Variants in GAB1 observed in about 807,000 individuals in gnomAD.
The protein encoded by GAB1 is GRB2 associated binding protein 1.
Under a neutral mutation model 66.5 loss-of-function variants are expected in GAB1, and 19 were observed. The ratio of observed to expected loss-of-function variants is 0.29; its 90% CI spans 0.20 to 0.42. The LOEUF (loss-of-function observed/expected upper bound fraction) is 0.42, where lower values mean the gene tolerates loss of function less well. Ranked by LOEUF, GAB1 falls within the 10% of genes least tolerant of loss-of-function variation. The pLI is 1.00. For missense variants in GAB1, 732 were observed against 858.5 expected (o/e 0.85, Z 1.84); for synonymous variants, 294 against 301.4 (o/e 0.98, Z 0.25).
chr4:143,378,612 A>G (rs1310980745), intron 1 of GAB1, among the ~76,000 whole-genome samples: 2 of 146,152 alleles, frequency 1.4e-5, no homozygotes, highest in African/African-American at 2.6e-5. Flanking sequence ...GTGACAGCCT[A>G]TTGGAACTTC....
chr4:143,435,468 C>T (rs1315332054), intron 3 of GAB1, among the ~76,000 whole-genome samples: 2 of 152,124 alleles, frequency 1.3e-5, no homozygotes, highest in African/African-American at 2.4e-5. Flanking sequence ...AACAGCCAAG[C>T]GACAGTTCTC....
intron 6 of GAB1, chr4:143,457,798 G>A: frequency 9.1e-7 from 1 of 1,102,976 alleles, no homozygotes; most frequent in Non-Finnish European, 1.3e-6. Context: ...CATGCTGTAT[G>A]GGGCATTGGG....
intron 8 of GAB1, among the ~76,000 whole-genome samples, chr4:143,462,871 A>C (rs1200166403): frequency 6.6e-6 from 1 of 152,168 alleles, no homozygotes; most frequent in African/African-American, 2.4e-5. Flanking sequence ...CATGTTGCGC[A>C]GGATGGTCTC....
chr4:143,430,700 A>C (rs1733608187), intron 2 of GAB1, among the ~76,000 whole-genome samples: 1 of 152,220 alleles, frequency 6.6e-6, no homozygotes, highest in Non-Finnish European at 1.5e-5. Context: ...TAACCCCTTA[A>C]AACTTTTGCC....
intron 1 of GAB1, among the ~76,000 whole-genome samples, chr4:143,343,203 G>A (rs548984126): frequency 7.6e-4 from 115 of 152,250 alleles, no homozygotes; most frequent in African/African-American, 2.7e-3. Context: ...GCAGTTTAGC[G>A]TTCCTCTTCT....
chr4:143,352,490 AGT>A (rs1729270025), intron 1 of GAB1, among the ~76,000 whole-genome samples: 4 of 152,224 alleles, frequency 2.6e-5, no homozygotes, highest in Non-Finnish European at 4.4e-5. Context: ...AGCTTGGCAG[AGT>A]CCTTGTGTCA....
chr4:143,337,314 C>T (rs1203621305), intron 1 of GAB1, 54 bp downstream of exon 1: 23 of 1,472,954 alleles, frequency 1.6e-5, no homozygotes, highest in Non-Finnish European at 2.0e-5. Flanking sequence ...CACCCCTCCC[C>T]AGTCGGCTCG....
At chr4:143,412,887 T>C (rs1331617755) in intron 1 of GAB1, among the ~76,000 whole-genome samples, 7 of 152,108 alleles carry the variant, frequency 4.6e-5, no homozygotes, top group Admixed American at 4.6e-4. Flanking sequence ...AAAGATGAAC[T>C]ATACAAGCAT....
Position 143,438,352 on chromosome 4 carries a change from C to T in GAB1, c.947C>T (p.Thr316Ile). ...SYDIPPTPGN[T>I]YQIPRTFPEG... ...GACATTCCTCCAACACCTGGTAATA[C>T]TTATCAGATTCCACGAACATTTCCA... is the stretch of plus-strand genomic sequence containing the variant. The change falls in exon 4 of 10, where the codon ACT (threonine) becomes ATT (isoleucine). Residue 316 changes from threonine (T) to isoleucine (I), a missense_variant. This residue lies in a region of GAB1 where 427 missense variants were observed against 420.6 expected (regional missense o/e 1.02). Transcript: ENST00000262994. 3 of 1,614,106 alleles carry T rather than the reference C, an allele frequency of 1.9e-6. No individual in the cohort carries two copies. The highest frequency in any genetic ancestry group is 2.5e-6 in the Non-Finnish European group (3 of 1,179,974).
At chr4:143,393,225 T>G (rs532373829) in intron 1 of GAB1, among the ~76,000 whole-genome samples, 16 of 150,690 alleles carry the variant, frequency 1.1e-4, no homozygotes, top group Non-Finnish European at 2.2e-4. Context: ...AAAGGTTTTT[T>G]TTTTTAAAAA....
rs763772139 is a variant in GAB1 at position 143,470,158 on chromosome 4, A to T, written c.*969A>T. The T allele has an allele frequency of 2.0e-5, 3 of 152,174 alleles. No homozygotes were observed. Among genetic ancestry groups the T allele is most frequent in the Admixed American group, 2.0e-4 (3 of 15,268 alleles). The allele number at this position is 152,174 out of a possible 1,614,324, so 9.4% of individuals were successfully genotyped here. On this transcript the variant is annotated 3_prime_UTR_variant, in exon 10 of 10. Transcript: ENST00000262994. ...GTTACAGCAACATACTGTGATTTTT[A>T]ATTAGATAGTAATTCAGATTTATTA...
intron 7 of GAB1, 55 bp downstream of exon 7, chr4:143,459,533 T>TC: frequency 1.0e-6 from 1 of 976,456 alleles, no homozygotes; most frequent in Admixed American, 1.7e-5. Context: ...CTATCTAGAA[T>TC]TGTTCATTAT....
intron 1 of GAB1, among the ~76,000 whole-genome samples, chr4:143,370,745 G>A (rs1301177511): frequency 6.6e-6 from 1 of 152,120 alleles, no homozygotes; most frequent in East Asian, 1.9e-4. Flanking sequence ...TCCCTGCCCT[G>A]TGTCCACATG....
chr4:143,454,866 A>C lies in GAB1; in HGVS notation c.1586-4519A>C, dbSNP rs79432543. Among the ~76,000 whole-genome samples, 256 of 152,204 alleles carry C rather than the reference A, an allele frequency of 1.7e-3. 1 individual carries two copies. The highest frequency in any genetic ancestry group is 5.7e-3 in the African/African-American group (237 of 41,528). Reference sequence around the variant, plus strand: ...TGAAAATCATTCTCCTAGCTAGAGAAGACTAAAGCAAGATAGGAGCTGAGT... The same window carrying C: ...TGAAAATCATTCTCCTAGCTAGAGACGACTAAAGCAAGATAGGAGCTGAGT... On this transcript the variant is annotated intron_variant, in intron 6 of 9. Coordinates refer to ENST00000262994, the MANE Select transcript of GAB1 (RefSeq NM_002039.4).
At chr4:143,466,575 C>T (rs750430548) in intron 9 of GAB1, among the ~76,000 whole-genome samples, 7 of 149,250 alleles carry the variant, frequency 4.7e-5, no homozygotes, top group African/African-American at 7.5e-5. Context: ...CTGCAACCTC[C>T]GCTTCCCAGG....
At chr4:143,371,743 G>C (rs981594453) in intron 1 of GAB1, among the ~76,000 whole-genome samples, 1 of 152,108 alleles carries the variant, frequency 6.6e-6, no homozygotes, top group East Asian at 1.9e-4. Context: ...GTGAGGAAGG[G>C]ATCCAGTTTC....
chr4:143,434,552 C>T (rs1733845324), intron 3 of GAB1, among the ~76,000 whole-genome samples: 1 of 151,936 alleles, frequency 6.6e-6, no homozygotes, highest in East Asian at 1.9e-4. Context: ...GACGAGGTCT[C>T]ACTATGTTGC....
chr4:143,463,726 GAA>G (rs1735624395), intron 8 of GAB1, among the ~76,000 whole-genome samples: 1 of 152,016 alleles, frequency 6.6e-6, no homozygotes, highest in African/African-American at 2.4e-5. Context: ...ACTGTTTTGG[GAA>G]AATACTGGGT....
intron 3 of GAB1, among the ~76,000 whole-genome samples, chr4:143,437,007 A>G (rs1363564994): frequency 1.3e-5 from 2 of 152,154 alleles, no homozygotes; most frequent in Admixed American, 1.3e-4. Flanking sequence ...TCAGCAAGGG[A>G]GAAGGGTTTT....
Sources: gnomAD v4.1 joint callset for allele counts (sites outside exome capture counted in the v4.1 genomes callset) on GRCh38, gnomAD v4.1.1 for gene constraint, gnomAD v4.1.1 regional missense constraint, MANE v1.5 for transcripts, NCBI Gene and HGNC (gene_info 2026-07-23, HGNC 2026-07-21) for gene names.